The following PLXNA4 variants were observed in gnomAD, a reference collection of about 807,000 sequenced individuals.
PLXNA4 encodes the protein plexin-A4.
A neutral mutation model predicts 191.8 loss-of-function variants in PLXNA4; 44 were observed. That is an observed-to-expected ratio of 0.23 (90% CI 0.18 to 0.29). The LOEUF (loss-of-function observed/expected upper bound fraction) is 0.29. PLXNA4 is among the 10% of genes least tolerant of loss of function. PLXNA4 has a pLI of 1.00. For missense variants in PLXNA4, 1,800 were observed against 2,488.8 expected, an observed-to-expected ratio of 0.72 and a Z score of 5.89; for synonymous variants, 1,082 against 1,009.5, an observed-to-expected ratio of 1.07 and a Z score of -1.36.
chr7:132,134,382 G>A (rs968712117), intron 30 of PLXNA4, among the ~76,000 whole-genome samples: 1 of 152,184 alleles, frequency 6.6e-6, no homozygotes, highest in African/African-American at 2.4e-5. Flanking sequence ...GGCAGAGATG[G>A]TTTTCCTGTG....
intron 25 of PLXNA4, among the ~76,000 whole-genome samples, chr7:132,150,356 C>T (rs73497369): frequency 0.022 from 3,409 of 152,260 alleles, 137 homozygotes; most frequent in African/African-American, 0.077. Context: ...GAAGAGGAAT[C>T]TCTCCAAGCT....
intron 3 of PLXNA4, among the ~76,000 whole-genome samples, chr7:132,348,720 G>A (rs1013668216): frequency 2.0e-5 from 3 of 152,210 alleles, no homozygotes; most frequent in Non-Finnish European, 4.4e-5. Context: ...CCCAGTCCCT[G>A]GGGCCAGGGG....
intron 4 of PLXNA4, among the ~76,000 whole-genome samples, chr7:132,267,634 T>C (rs1799906251): frequency 6.6e-6 from 1 of 152,198 alleles, no homozygotes; most frequent in Non-Finnish European, 1.5e-5. Context: ...GCTCAAAACT[T>C]AGAGCTCTGC....
At chr7:132,202,898 C>A in intron 11 of PLXNA4, 62 bp from the exon 12 acceptor site, 1 of 1,426,194 alleles carries the variant, frequency 7.0e-7, no homozygotes, top group South Asian at 1.5e-5. Flanking sequence ...CAGAAGGGGC[C>A]CAGAGAGAGA....
At chr7:132,330,586 T>G (rs952909844) in intron 3 of PLXNA4, among the ~76,000 whole-genome samples, 4 of 152,230 alleles carry the variant, frequency 2.6e-5, no homozygotes, top group Non-Finnish European at 5.9e-5. Context: ...GGCATTGCAC[T>G]GGGGATCCTG....
At chr7:132,557,454 A>AG (rs199930579) in intron 1 of PLXNA4, among the ~76,000 whole-genome samples, 4 of 151,964 alleles carry the variant, frequency 2.6e-5, no homozygotes, top group East Asian at 1.9e-4. Context: ...AAATGGCGGC[A>AG]GGGGGGGACG....
chr7:132,135,084 C>T (rs956191280), intron 30 of PLXNA4, among the ~76,000 whole-genome samples: 6 of 152,210 alleles, frequency 3.9e-5, no homozygotes, highest in African/African-American at 1.4e-4. Flanking sequence ...AGTAGTAGCT[C>T]CCAACCTTGC....
At chr7:132,444,558 G>A (rs571274495) in intron 3 of PLXNA4, among the ~76,000 whole-genome samples, 1 of 152,334 alleles carries the variant, frequency 6.6e-6, no homozygotes, top group Admixed American at 6.5e-5. Flanking sequence ...TGACAAAGAG[G>A]ACCCAGTTCT....
Position 132,350,574 on chromosome 7 carries a change from C to T in PLXNA4, c.1372-52352G>A, listed in dbSNP as rs571552729. ...CCATTCAGAGAAATGCAAATCATAG[C>T]GTCAATGAGCAGGAGATGCCATTTC... On this transcript the variant is annotated intron_variant, in intron 3 of 31. Transcript: ENST00000321063. 1.2e-3 allele frequency among the ~76,000 whole-genome samples: 190 copies of T among 152,132 alleles called. 2 individuals are homozygous for T. The highest frequency in any genetic ancestry group is 4.5e-3 in the African/African-American group (187 of 41,512).
chr7:132,529,835 G>T (rs138847159), intron 1 of PLXNA4, among the ~76,000 whole-genome samples: 3,282 of 152,206 alleles, frequency 0.022, 142 homozygotes, highest in African/African-American at 0.075. Context: ...TCGATCTCCA[G>T]ACCTCGTGAT....
chr7:132,333,960 T>A (rs538602993), intron 3 of PLXNA4, among the ~76,000 whole-genome samples: 1 of 152,348 alleles, frequency 6.6e-6, no homozygotes, highest in South Asian at 2.1e-4. Flanking sequence ...TCTCCATGTT[T>A]ATAAGGTCCT....
At chr7:132,562,839 T>C (rs1314548255) in intron 1 of PLXNA4, among the ~76,000 whole-genome samples, 2 of 74,310 alleles carry the variant, frequency 2.7e-5, no homozygotes, top group Non-Finnish European at 5.5e-5. Flanking sequence ...CTCCTCCTCC[T>C]TCTCTTCCTT....
intron 3 of PLXNA4, 148 bp from the exon 4 acceptor site, chr7:132,298,370 G>A: frequency 2.7e-6 from 3 of 1,110,044 alleles, no homozygotes; most frequent in Non-Finnish European, 2.5e-6. Context: ...GGAGTGGAGT[G>A]ACATAAGCTC....
At chr7:132,293,330 G>A (rs867236956) in intron 4 of PLXNA4, among the ~76,000 whole-genome samples, 1 of 152,190 alleles carries the variant, frequency 6.6e-6, no homozygotes, top group Non-Finnish European at 1.5e-5. Context: ...TCATGTGGCT[G>A]GGGAGGCCTC....
At position 132,140,829 on chromosome 7, in the gene PLXNA4, G is replaced by A. The variant is rs1304198235; in HGVS notation, c.5226-18C>T. The A allele has an allele frequency of 1.2e-6, 2 of 1,613,394 alleles. No individual in the cohort carries two copies. Among genetic ancestry groups the A allele is most frequent in the African/African-American group, 2.7e-5 (2 of 74,892 alleles). On this transcript the variant is annotated intron_variant, in intron 29 of 31. Transcript: ENST00000321063. ...GGGGCAGGCTGCGTGGAAGGAAGAG[G>A]CAGATGGTCAGGAAAGACGGGGCAG... is the stretch of plus-strand genomic sequence containing the variant.
intron 20 of PLXNA4, among the ~76,000 whole-genome samples, chr7:132,179,153 A>T (rs1796603986): frequency 7.6e-6 from 1 of 131,900 alleles, no homozygotes; most frequent in Non-Finnish European, 1.6e-5. Context: ...GTGCTCACAC[A>T]CACACACACA....
chr7:132,589,750 C>G (rs1305280768), intron 2 of PLXNA4, among the ~76,000 whole-genome samples: 1 of 152,144 alleles, frequency 6.6e-6, no homozygotes, highest in African/African-American at 2.4e-5. Flanking sequence ...AATGAACTAG[C>G]AATAGAACTT....
At chr7:132,591,157 C>G (rs927162633) in intron 2 of PLXNA4, among the ~76,000 whole-genome samples, 1 of 152,146 alleles carries the variant, frequency 6.6e-6, no homozygotes, top group African/African-American at 2.4e-5. Flanking sequence ...GTGTCATCCT[C>G]TGCAGATGCA....
chr7:132,569,150 G>T (rs1482627116), intron 1 of PLXNA4, among the ~76,000 whole-genome samples: 3 of 152,190 alleles, frequency 2.0e-5, no homozygotes, highest in African/African-American at 7.2e-5. Context: ...TGCTGGCTGT[G>T]CCTCACCACC....
Sources: gnomAD v4.1 joint callset for allele counts (sites outside exome capture counted in the v4.1 genomes callset) on GRCh38, gnomAD v4.1.1 for gene constraint, MANE v1.5 for transcripts, NCBI Gene and HGNC (gene_info 2026-07-23, HGNC 2026-07-21) for gene names.